GCC2: variants seen among roughly 807,000 people sequenced by gnomAD.
GCC2 encodes GRIP and coiled-coil domain-containing protein 2.
Under a neutral mutation model 210.6 loss-of-function variants are expected in GCC2, and 120 were observed. The ratio of observed to expected loss-of-function variants is 0.57; its 90% CI spans 0.49 to 0.66. GCC2 has a LOEUF of 0.66. GCC2 is among the 30% of genes least tolerant of loss of function. The pLI is 0.00. For missense variants in GCC2, 1,868 were observed against 1,871.9 expected (o/e 1.00, Z 0.04); for synonymous variants, 703 against 652.7 (o/e 1.08, Z -1.17).
chr2:108,478,438 T>G (rs901306249), intron 9 of GCC2, among the ~76,000 whole-genome samples: 59 of 152,178 alleles, frequency 3.9e-4, no homozygotes, highest in African/African-American at 1.4e-3. Flanking sequence ...TACTGAGTAA[T>G]TTTTGGAGTT....
At chr2:108,488,715 A>T (rs1682265551) in intron 17 of GCC2, among the ~76,000 whole-genome samples, 1 of 152,192 alleles carries the variant, frequency 6.6e-6, no homozygotes, top group African/African-American at 2.4e-5. Flanking sequence ...GAGAGAGGGC[A>T]TTCCATGGCA....
intron 21 of GCC2, among the ~76,000 whole-genome samples, chr2:108,499,305 C>T (rs1682799762): frequency 6.6e-6 from 1 of 152,000 alleles, no homozygotes; most frequent in South Asian, 2.1e-4. Context: ...TAGGCAAATG[C>T]AGCTTTGAAA....
intron 4 of GCC2, among the ~76,000 whole-genome samples, chr2:108,464,315 G>A (rs1022813415): frequency 6.6e-6 from 1 of 152,172 alleles, no homozygotes; most frequent in African/African-American, 2.4e-5. Flanking sequence ...CCCTCTGCAT[G>A]GTTAGAAGGG....
chr2:108,471,962 T>G lies in GCC2; in HGVS notation c.2633T>G (p.Leu878Arg). 1 of 1,604,572 alleles carries G rather than the reference T, an allele frequency of 6.2e-7. No individual in the cohort carries two copies. Among genetic ancestry groups the G allele is most frequent in the Non-Finnish European group, 8.5e-7 (1 of 1,177,550 alleles). ...NEKTRLENQN[L>R]LIQVEEVSQT... is the part of the protein sequence containing the mutation. Reference sequence around the variant, plus strand: ...AAAACAAGGCTTGAAAATCAGAATCTTTTAATTCAAGTTGAAGAAGTATCT... The same window carrying G: ...AAAACAAGGCTTGAAAATCAGAATCGTTTAATTCAAGTTGAAGAAGTATCT... The change falls in exon 6 of 23, where the codon CTT becomes CGT. Residue 878 changes from leucine (L) to arginine (R), a missense_variant. Physicochemically the swap from Leu to Arg is moderately radical, Grantham distance 102 (BLOSUM62 -2). This residue lies in a region of GCC2 where 1,847 missense variants were observed against 1,765.2 expected (regional missense o/e 1.05). Coordinates refer to ENST00000309863, the MANE Select transcript of GCC2 (RefSeq NM_181453.4).
rs143706341 is a variant in GCC2 at position 108,471,158 on chromosome 2, T to C, written c.1829T>C (p.Met610Thr). ...AAACTGAAAAATTCCCATGAAGAAA[T>C]GGATAATTTCCATAAGAAATGTGAA... is the stretch of plus-strand genomic sequence containing the variant. The part of the protein sequence containing the change: ...INKLKNSHEE[M>T]DNFHKKCERE... The change falls in exon 6 of 23, where the codon ATG becomes ACG. Residue 610 changes from methionine to threonine, a missense_variant. By Grantham distance (81) the Met-to-Thr change is moderately conservative. Coordinates refer to ENST00000309863, the MANE Select transcript of GCC2 (RefSeq NM_181453.4). The C allele has an allele frequency of 3.6e-5, 58 of 1,594,084 alleles. No homozygotes were observed. The highest frequency in any genetic ancestry group is 4.7e-5 in the Non-Finnish European group (55 of 1,167,368).
chr2:108,483,991 C>G (rs1461208659), intron 12 of GCC2, among the ~76,000 whole-genome samples, 158 bp from the exon 13 acceptor site: 2 of 152,088 alleles, frequency 1.3e-5, no homozygotes, highest in East Asian at 1.9e-4. Context: ...AAATATCCAA[C>G]TCCTCATTTC....
intron 22 of GCC2, among the ~76,000 whole-genome samples, chr2:108,502,685 T>G (rs1184191483): frequency 6.6e-6 from 1 of 151,970 alleles, no homozygotes; most frequent in African/African-American, 2.4e-5. Context: ...ATCCAGCACT[T>G]TGGGAGGCTG....
chr2:108,495,984 A>T, intron 20 of GCC2: 1 of 153,766 alleles, frequency 6.5e-6, no homozygotes, highest in Non-Finnish European at 1.4e-5. Context: ...CCTCACAGAC[A>T]ACACTCAGGA....
At chr2:108,466,869 T>G (rs747987621) in intron 4 of GCC2, among the ~76,000 whole-genome samples, 2 of 152,250 alleles carry the variant, frequency 1.3e-5, no homozygotes, top group Non-Finnish European at 2.9e-5. Flanking sequence ...AAGTCTTTTT[T>G]AATATCAATA....
rs1302682243 is a variant in GCC2, at chr2:108,470,094, G to C, written c.765G>C (p.Leu255Phe). The change falls in exon 6 of 23, where the codon TTG becomes TTC. Residue 255 changes from leucine to phenylalanine, a missense_variant. Coordinates refer to ENST00000309863, the MANE Select transcript of GCC2 (RefSeq NM_181453.4). ...TACACCAAGAAGAGGTGAAAGAGTT[G>C]ATGTGCCAGATTGAAGCATCAGCTA... ...KAIHQEEVKELMCQIEASAKE... is the reference protein window; with the variant it reads ...KAIHQEEVKEFMCQIEASAKE... 6.2e-7 allele frequency: 1 copy of C among 1,613,670 alleles called. No homozygotes were observed.
chr2:108,469,717 G>A lies in GCC2; in HGVS notation c.388G>A (p.Glu130Lys). Reference sequence around the variant, plus strand: ...ACAATCACATATAAACTATGTGAAAGAAATTGAAAATTTGAAAAATGAGTT... The same window carrying A: ...ACAATCACATATAAACTATGTGAAAAAAATTGAAAATTTGAAAAATGAGTT... ...LEQSHINYVK[E>K]IENLKNELMA... Residue 130 changes from glutamate (E) to lysine (K), a missense_variant, in exon 6 of 23, where the codon GAA (glutamate) becomes AAA (lysine). Physicochemically the swap from Glu to Lys is moderately conservative, Grantham distance 56. Coordinates refer to ENST00000309863, the MANE Select transcript of GCC2 (RefSeq NM_181453.4). 1 of 1,612,776 alleles carries A rather than the reference G, an allele frequency of 6.2e-7. No homozygotes were observed. The highest frequency in any genetic ancestry group is 1.1e-5 in the South Asian group (1 of 90,898).
Position 108,485,725 on chromosome 2 carries a change from T to G in GCC2, c.3703T>G (p.Ser1235Ala). 1 of 1,583,032 alleles carries G rather than the reference T, an allele frequency of 6.3e-7. No homozygotes were observed. Among genetic ancestry groups the G allele is most frequent in the East Asian group, 2.2e-5 (1 of 44,582 alleles). ...GAAAACCAAAAAGGAACTGGCAGAT[T>G]CAAAGCAAGCAGTATGTTAATTTTT... is the stretch of plus-strand genomic sequence containing the variant. The part of the protein sequence containing the change: ...LVKTKKELAD[S>A]KQAETDHLIL... Residue 1235 changes from serine (S) to alanine (A), a missense_variant, in exon 14 of 23, where the codon TCA becomes GCA. Physicochemically the swap from Ser to Ala is moderately conservative, Grantham distance 99. This residue lies in a region of GCC2 where 1,847 missense variants were observed against 1,765.2 expected (regional missense o/e 1.05). Coordinates refer to ENST00000309863, the MANE Select transcript of GCC2 (RefSeq NM_181453.4).
chr2:108,497,524 C>T (rs1213362093), intron 21 of GCC2, among the ~76,000 whole-genome samples: 1 of 152,158 alleles, frequency 6.6e-6, no homozygotes, highest in African/African-American at 2.4e-5. Flanking sequence ...AATCATTGTT[C>T]ACATATGCTT....
chr2:108,472,137 A>C, intron 6 of GCC2, 21 bp downstream of exon 6: 1 of 1,403,996 alleles, frequency 7.1e-7, no homozygotes, highest in Non-Finnish European at 9.5e-7. Context: ...TTTGAATTCT[A>C]TTGTTTCAAA....
chr2:108,485,717 TG>T lies in GCC2; in HGVS notation c.3697del (p.Ala1233GlnfsTer11), dbSNP rs1457709646. 3 of 1,591,990 alleles carry T rather than the reference TG, an allele frequency of 1.9e-6. No individual in the cohort carries two copies. The South Asian group carries it at 3.4e-5, about 18-fold the overall frequency. On this transcript the variant is annotated frameshift_variant, in exon 14 of 23. Coordinates refer to ENST00000309863, the MANE Select transcript of GCC2 (RefSeq NM_181453.4). LOFTEE classifies it high-confidence loss of function. ...KQLLVKTKKE[L>X]ADSKQAETDH... ...TTGCTTGTGAAAACCAAAAAGGAACTGGCAGATTCAAAGCAAGCAGTATGTT... is the reference window on the plus strand; with the variant it reads ...TTGCTTGTGAAAACCAAAAAGGAACTGCAGATTCAAAGCAAGCAGTATGTT...
intron 1 of GCC2, 68 bp downstream of exon 1, chr2:108,449,348 G>A: frequency 8.5e-6 from 13 of 1,525,246 alleles, no homozygotes; most frequent in Non-Finnish European, 1.1e-5. Flanking sequence ...GTGGGAGTGG[G>A]CCCGATGGGA....
At chr2:108,480,424 C>T (rs1681791492) in intron 9 of GCC2, among the ~76,000 whole-genome samples, 1 of 152,170 alleles carries the variant, frequency 6.6e-6, no homozygotes. Context: ...GAATGTGAGT[C>T]ATTGTGTCAT....
intron 22 of GCC2, 21 bp from the exon 23 acceptor site, chr2:108,507,539 T>TG: frequency 6.6e-7 from 1 of 1,522,538 alleles, no homozygotes; most frequent in South Asian, 1.2e-5. Flanking sequence ...TTTCTTTTTT[T>TG]TTTTGTTTTA....
At chr2:108,493,486 G>A in intron 19 of GCC2, 2 of 986,902 alleles carry the variant, frequency 2.0e-6, no homozygotes, top group Non-Finnish European at 2.4e-6. Flanking sequence ...ATTAGATAGA[G>A]CAAGGAACTT....
Sources: allele counts gnomAD v4.1 joint callset (sites outside exome capture counted in the v4.1 genomes callset), GRCh38; gene constraint gnomAD v4.1.1; regional missense constraint gnomAD v4.1.1; transcripts MANE v1.5; gene names NCBI Gene and HGNC (gene_info 2026-07-23, HGNC 2026-07-21).